Variants in TEX11 observed in about 807,000 individuals in gnomAD.
The protein encoded by TEX11 is testis-expressed protein 11.
In TEX11, 7 loss-of-function variants were observed where a neutral mutation model predicts 84.4. The observed-to-expected ratio is 0.08, with a 90% CI of 0.05 to 0.16. The LOEUF is 0.16. Among genes scored for constraint, TEX11 ranks in the 10% least tolerant of loss-of-function variants. The pLI, the probability that TEX11 is intolerant of heterozygous loss-of-function variation, is 1.00. For synonymous variants in TEX11, 264 were observed against 222.8 expected, an observed-to-expected ratio of 1.18 and a Z score of -1.64; for missense variants, 551 against 660.5, an observed-to-expected ratio of 0.83 and a Z score of 1.82.
intron 28 of TEX11, among the ~76,000 whole-genome samples, chrX:70,544,868 AC>A (rs1188102553): frequency 1.9e-5 from 2 of 107,777 alleles, no homozygotes; most frequent in Admixed American, 2.0e-4. Flanking sequence ...ACCCAAAAAA[AC>A]AAACAAAAAA....
At chrX:70,903,431 C>G (rs2091813831) in intron 2 of TEX11, among the ~76,000 whole-genome samples, 1 of 110,719 alleles carries the variant, frequency 9.0e-6, no homozygotes, top group Non-Finnish European at 1.9e-5. Context: ...TCTGACATCA[C>G]TAGGGGATAG....
intron 25 of TEX11, among the ~76,000 whole-genome samples, chrX:70,560,893 G>GTT (rs745618647): frequency 0.015 from 507 of 33,600 alleles, 67 homozygotes; most frequent in African/African-American, 0.04. Context: ...CACCACACCG[G>GTT]TTTTTTTTTT....
intron 4 of TEX11, among the ~76,000 whole-genome samples, chrX:70,869,689 T>A (rs187131204): frequency 2.7e-5 from 3 of 110,479 alleles, no homozygotes; most frequent in South Asian, 7.8e-4. Flanking sequence ...AGGTAGGAGG[T>A]TGACCTGAGC....
At chrX:70,567,315 C>T (rs868795924) in intron 25 of TEX11, among the ~76,000 whole-genome samples, 9 of 111,228 alleles carry the variant, frequency 8.1e-5, no homozygotes, top group Non-Finnish European at 1.1e-4. Flanking sequence ...ATTAGTCTTG[C>T]TAGAGGTCTA....
rs746381671 is a variant in TEX11, at chrX:70,773,417, G to T, written c.693-29198C>A. Among the ~76,000 whole-genome samples the T allele has an allele frequency of 1.6e-4, 18 of 111,142 alleles. No individual in the cohort carries two copies. The South Asian group carries it at 6.9e-3, about 42-fold the overall frequency. On this transcript the variant is annotated intron_variant, in intron 9 of 29. Coordinates refer to ENST00000374333, the MANE Select transcript of TEX11 (RefSeq NM_031276.3). ...CTGAAAGAAAAAAAACTGCCTAGAAGAATATTGTAATATAGTCAGTAAAGC... is the reference window on the plus strand; with the variant it reads ...CTGAAAGAAAAAAAACTGCCTAGAATAATATTGTAATATAGTCAGTAAAGC...
At chrX:70,834,743 G>A (rs1377743916) in intron 7 of TEX11, among the ~76,000 whole-genome samples, 1 of 103,601 alleles carries the variant, frequency 9.7e-6, no homozygotes, top group Non-Finnish European at 2.0e-5. Flanking sequence ...CAGCCTGGGA[G>A]ACAGAGCGAG....
At chrX:70,601,858 G>A (rs1301425776) in intron 24 of TEX11, among the ~76,000 whole-genome samples, 1 of 107,865 alleles carries the variant, frequency 9.3e-6, no homozygotes, top group African/African-American at 3.4e-5. Flanking sequence ...TGGGGATAAG[G>A]TCACAGATCA....
intron 13 of TEX11, among the ~76,000 whole-genome samples, chrX:70,721,793 G>C (rs2090561416): frequency 8.9e-6 from 1 of 111,913 alleles, no homozygotes; most frequent in Non-Finnish European, 1.9e-5. Context: ...TGGCCCACAA[G>C]CCCAAAATGT....
At position 70,629,754 on chromosome X, in the gene TEX11, A is replaced by T. The variant is rs2089488177; in HGVS notation, c.1484-19T>A. 9.1e-7 allele frequency: 1 copy of T among 1,097,063 alleles called. No individual in the cohort carries two copies. Among genetic ancestry groups the T allele is most frequent in the Admixed American group, 2.6e-5 (1 of 38,795 alleles). The allele number at this position is 1,097,063 out of a possible 1,213,427, so 90.4% of individuals were successfully genotyped here. A position where few individuals can be genotyped will look rare whatever the true frequency, so the allele number is the denominator to read the frequency against. On this transcript the variant is annotated intron_variant, in intron 17 of 29. Transcript: ENST00000374333. ...TGCAAAGCTGAAAAACAAGAAAAAAATTCAAAAATGATATACTCTAATCAA... is the reference window on the plus strand; with the variant it reads ...TGCAAAGCTGAAAAACAAGAAAAAATTTCAAAAATGATATACTCTAATCAA...
intron 26 of TEX11, among the ~76,000 whole-genome samples, chrX:70,553,839 G>A (rs2088251675): frequency 8.9e-6 from 1 of 111,884 alleles, no homozygotes; most frequent in African/African-American, 3.2e-5. Flanking sequence ...GGAAACACTT[G>A]ACAAGGGAGT....
At chrX:70,767,372 T>C (rs1434149218) in intron 9 of TEX11, among the ~76,000 whole-genome samples, 1 of 111,912 alleles carries the variant, frequency 8.9e-6, no homozygotes, top group East Asian at 2.8e-4. Context: ...CTCAACGTCA[T>C]TGATCATCAG....
At chrX:70,597,672 A>G (rs1483395833) in intron 24 of TEX11, among the ~76,000 whole-genome samples, 3 of 112,170 alleles carry the variant, frequency 2.7e-5, no homozygotes, top group Non-Finnish European at 5.6e-5. Context: ...AAACCTTACA[A>G]GAAAACATTG....
At chrX:70,626,529 T>C (rs186551150) in intron 18 of TEX11, among the ~76,000 whole-genome samples, 341 of 111,200 alleles carry the variant, frequency 3.1e-3, no homozygotes, top group African/African-American at 0.011. Flanking sequence ...CTGTCCCTCA[T>C]CCCCTTGATG....
rs184802939 is a variant in TEX11 at position 70,799,572 on chromosome X, A to T, written c.692+7133T>A. ...AGCATCCCAAAAAACTGTTGCTATG[A>T]TCTTTACTCTTGACAGAGCTGCTTT... On this transcript the variant is annotated intron_variant, in intron 9 of 29. Coordinates refer to ENST00000374333, the MANE Select transcript of TEX11 (RefSeq NM_031276.3). Among the ~76,000 whole-genome samples the T allele has an allele frequency of 1.0e-3, 117 of 112,014 alleles. 1 individual carries two copies. The highest frequency in any genetic ancestry group is 9.2e-3 in the Middle Eastern group (2 of 218).
intron 8 of TEX11, among the ~76,000 whole-genome samples, chrX:70,818,782 C>T (rs1412384385): frequency 2.7e-5 from 3 of 111,415 alleles, no homozygotes; most frequent in Non-Finnish European, 5.6e-5. Flanking sequence ...ATCTAGCACA[C>T]CTGCACACAC....
At chrX:70,731,655 A>G (rs2090652277) in intron 11 of TEX11, among the ~76,000 whole-genome samples, 1 of 111,538 alleles carries the variant, frequency 9.0e-6, no homozygotes, top group South Asian at 3.8e-4. Context: ...AATTGAGGCA[A>G]TAATCAATAG....
intron 17 of TEX11, among the ~76,000 whole-genome samples, chrX:70,647,237 C>G (rs1343539547): frequency 9.0e-6 from 1 of 111,506 alleles, no homozygotes; most frequent in Non-Finnish European, 1.9e-5. Context: ...TGGTGGTTAC[C>G]AGGGACTAAG....
intron 25 of TEX11, among the ~76,000 whole-genome samples, chrX:70,555,036 A>T (rs962287699): frequency 1.8e-5 from 2 of 111,887 alleles, no homozygotes; most frequent in Non-Finnish European, 3.8e-5. Flanking sequence ...TAGCGCATTC[A>T]CTAGAACTAC....
At chrX:70,719,503 A>G (rs2090536990) in intron 13 of TEX11, among the ~76,000 whole-genome samples, 1 of 112,132 alleles carries the variant, frequency 8.9e-6, no homozygotes, top group South Asian at 3.7e-4. Flanking sequence ...TGGCAACAAA[A>G]GCCAAAATTG....
Sources: gnomAD v4.1 joint callset for allele counts (sites outside exome capture counted in the v4.1 genomes callset) on GRCh38, gnomAD v4.1.1 for gene constraint, MANE v1.5 for transcripts, NCBI Gene and HGNC (gene_info 2026-07-23, HGNC 2026-07-21) for gene names.